MAP3K9: variants seen among roughly 807,000 people sequenced by gnomAD.
MAP3K9 encodes mitogen-activated protein kinase kinase kinase 9, also known as mixed lineage kinase 1 (tyr and ser/thr specificity).
MAP3K9 carries 46 observed loss-of-function variants against 95.8 expected under a neutral mutation model. The ratio of observed to expected loss-of-function variants is 0.48; its 90% CI spans 0.38 to 0.61. The LOEUF (loss-of-function observed/expected upper bound fraction) is 0.61. Ranked by LOEUF, MAP3K9 falls within the 20% of genes least tolerant of loss-of-function variation. The probability of loss-of-function intolerance (pLI) is 0.00; values close to 1 mark genes in which losing one functional copy is unlikely to be tolerated. For synonymous variants in MAP3K9, 533 were observed against 593.8 expected (o/e 0.90, Z 1.49); for missense variants, 1,296 against 1,474.3 (o/e 0.88, Z 1.98).
intron 2 of MAP3K9, among the ~76,000 whole-genome samples, chr14:70,774,356 C>CAT (rs1451985129): frequency 2.2e-4 from 34 of 152,172 alleles, no homozygotes; most frequent in African/African-American, 8.2e-4. Flanking sequence ...AGATTATGTA[C>CAT]ACATGACACT....
intron 2 of MAP3K9, chr14:70,783,180 G>A: frequency 1.3e-6 from 1 of 765,876 alleles, no homozygotes; most frequent in Non-Finnish European, 1.6e-6. Flanking sequence ...CCAGATTCAT[G>A]GTCCATGCAA....
intron 1 of MAP3K9, among the ~76,000 whole-genome samples, chr14:70,806,270 TATATTTAC>T (rs2054989030): frequency 6.6e-6 from 1 of 152,240 alleles, no homozygotes; most frequent in South Asian, 2.1e-4. Flanking sequence ...ACTGAAGTTT[TATATTTAC>T]ATACTTAATC....
At chr14:70,763,218 G>A (rs147142972) in intron 2 of MAP3K9, among the ~76,000 whole-genome samples, 45 of 152,338 alleles carry the variant, frequency 3.0e-4, no homozygotes, top group African/African-American at 1.0e-3. Flanking sequence ...AGTGCATTGT[G>A]TAAACCTCAC....
At chr14:70,751,377 G>A (rs1393630298) in intron 3 of MAP3K9, among the ~76,000 whole-genome samples, 1 of 152,150 alleles carries the variant, frequency 6.6e-6, no homozygotes, top group African/African-American at 2.4e-5. Flanking sequence ...TCAACAATAA[G>A]TTTTGCAACC....
rs190502394 is a variant in MAP3K9, at chr14:70,725,436, C to G, written c.*4944G>C. 2.0e-5 allele frequency: 3 copies of G among 152,310 alleles called. No individual in the cohort carries two copies. The highest frequency in any genetic ancestry group is 7.2e-5 in the African/African-American group (3 of 41,564). 9.4% of individuals were successfully genotyped at this position (152,310 alleles called of 1,614,324 possible). On this transcript the variant is annotated 3_prime_UTR_variant, in exon 12 of 12. Coordinates refer to ENST00000554752, the MANE Select transcript of MAP3K9 (RefSeq NM_001284230.2). The stretch of plus-strand genomic sequence containing the variant: ...TGCACGGCTAACCATAAGTCCCGGG[C>G]TGAGTCATGATAATTAGGCACCTAA...
At chr14:70,749,748 T>C (rs2054199701) in intron 4 of MAP3K9, 185 bp downstream of exon 4, 14 of 617,978 alleles carry the variant, frequency 2.3e-5, no homozygotes, top group Admixed American at 1.2e-4. Flanking sequence ...GAGATATGAC[T>C]GCTTGCAGCA....
intron 1 of MAP3K9, among the ~76,000 whole-genome samples, chr14:70,806,825 C>G (rs1000548557): frequency 7.9e-5 from 12 of 152,206 alleles, no homozygotes; most frequent in African/African-American, 2.9e-4. Context: ...ACTTCACCCA[C>G]AGAATCAAAA....
intron 2 of MAP3K9, among the ~76,000 whole-genome samples, chr14:70,778,019 G>T (rs758342803): frequency 9.2e-5 from 14 of 152,050 alleles, no homozygotes; most frequent in Non-Finnish European, 1.8e-4. Flanking sequence ...AAAAGAGAGG[G>T]ATAAATAGAT....
chr14:70,759,796 C>T (rs939686030), intron 3 of MAP3K9, among the ~76,000 whole-genome samples: 4 of 152,152 alleles, frequency 2.6e-5, no homozygotes, highest in African/African-American at 9.7e-5. Flanking sequence ...TCTCTGTCAC[C>T]CAGGCTGAAG....
intron 8 of MAP3K9, 139 bp downstream of exon 8, chr14:70,738,106 G>A: frequency 1.0e-6 from 1 of 991,582 alleles, no homozygotes; most frequent in Non-Finnish European, 1.4e-6. Context: ...GTGAAAAACT[G>A]TTGTAAAGAT....
intron 2 of MAP3K9, among the ~76,000 whole-genome samples, chr14:70,787,948 G>A (rs1205999096): frequency 6.6e-6 from 1 of 152,160 alleles, no homozygotes; most frequent in Non-Finnish European, 1.5e-5. Flanking sequence ...AAGGGAAGAC[G>A]AAGGGATGAA....
intron 3 of MAP3K9, among the ~76,000 whole-genome samples, chr14:70,756,806 G>C (rs1459067347): frequency 2.0e-5 from 3 of 152,162 alleles, no homozygotes; most frequent in Non-Finnish European, 4.4e-5. Flanking sequence ...GTTTTTGAAA[G>C]AGAATATGCT....
At chr14:70,798,546 T>C (rs1247513221) in intron 2 of MAP3K9, among the ~76,000 whole-genome samples, 1 of 135,104 alleles carries the variant, frequency 7.4e-6, no homozygotes, top group Admixed American at 8.1e-5. Flanking sequence ...TGGCGGGATC[T>C]CGGCTCACTG....
chr14:70,775,162 ATTAT>A (rs1201609268), intron 2 of MAP3K9, among the ~76,000 whole-genome samples: 1 of 152,106 alleles, frequency 6.6e-6, no homozygotes, highest in African/African-American at 2.4e-5. Context: ...ACTTTCATAA[ATTAT>A]TTAATAATAA....
chr14:70,789,278 GT>G (rs2054781439), intron 2 of MAP3K9, among the ~76,000 whole-genome samples: 1 of 152,208 alleles, frequency 6.6e-6, no homozygotes, highest in African/African-American at 2.4e-5. Flanking sequence ...AAATCTGCCT[GT>G]TTCGGTGGGA....
intron 2 of MAP3K9, among the ~76,000 whole-genome samples, chr14:70,763,622 C>T (rs1478052163): frequency 6.6e-6 from 1 of 151,952 alleles, no homozygotes; most frequent in Non-Finnish European, 1.5e-5. Context: ...CCTCAATCTC[C>T]TGGGCTCAAG....
Position 70,727,558 on chromosome 14 carries a change from G to A in MAP3K9, c.*2822C>T, listed in dbSNP as rs1442132088. On this transcript the variant is annotated 3_prime_UTR_variant, in exon 12 of 12. Coordinates refer to ENST00000554752, the MANE Select transcript of MAP3K9 (RefSeq NM_001284230.2). ...GGGCCTGCTCCCGACCAGGACCACA[G>A]AACAAGGGAACCTGAGCGAATAGAA... is the stretch of plus-strand genomic sequence containing the variant. 5 of 152,420 alleles carry A rather than the reference G, an allele frequency of 3.3e-5. No homozygotes were observed. Among genetic ancestry groups the A allele is most frequent in the Non-Finnish European group, 7.3e-5 (5 of 68,198 alleles). The allele number at this position is 152,420 out of a possible 1,614,324, so 9.4% of individuals were successfully genotyped here. A position where few individuals can be genotyped will look rare whatever the true frequency, so the allele number is the denominator to read the frequency against.
intron 2 of MAP3K9, among the ~76,000 whole-genome samples, chr14:70,781,020 G>A (rs1392433039): frequency 6.6e-6 from 1 of 152,204 alleles, no homozygotes; most frequent in East Asian, 1.9e-4. Flanking sequence ...TTTCAAAGTG[G>A]TCCATCATCT....
chr14:70,730,599 C>T lies in MAP3K9; in HGVS notation c.3096G>A (p.Leu1032=), dbSNP rs2053884723. 6.2e-7 allele frequency: 1 copy of T among 1,613,922 alleles called. No homozygotes were observed. The highest frequency in any genetic ancestry group is 8.5e-7 in the Non-Finnish European group (1 of 1,180,044). Reference sequence around the variant, plus strand: ...TGCTACTGCTAGCAAAGCAGGAGTCCAGGTTGCTGGGCGTCTCTGTGCTGG... The same window carrying T: ...TGCTACTGCTAGCAAAGCAGGAGTCTAGGTTGCTGGGCGTCTCTGTGCTGG... ...NSSSTETPSN[L]DSCFASSSST... is the part of the protein sequence containing the mutation. The change falls in exon 12 of 12, where the codon CTG becomes CTA. Residue 1032 remains leucine, a synonymous_variant. Transcript: ENST00000554752.
Sources: allele counts gnomAD v4.1 joint callset (sites outside exome capture counted in the v4.1 genomes callset), GRCh38; gene constraint gnomAD v4.1.1; transcripts MANE v1.5; gene names NCBI Gene and HGNC (gene_info 2026-07-23, HGNC 2026-07-21).